Variants in KCNK2 observed in about 807,000 individuals in gnomAD.
KCNK2 encodes the protein potassium two pore domain channel subfamily K member 2.
In KCNK2, 21 loss-of-function variants were observed where a neutral mutation model predicts 40.5. The ratio of observed to expected loss-of-function variants is 0.52; its 90% CI spans 0.37 to 0.75. KCNK2 has a LOEUF of 0.75. KCNK2 is among the 30% of genes least tolerant of loss of function. The pLI is 0.00. For synonymous variants in KCNK2, 191 were observed against 202.2 expected (o/e 0.94, Z 0.47); for missense variants, 399 against 531.6 (o/e 0.75, Z 2.45).
intron 3 of KCNK2, among the ~76,000 whole-genome samples, chr1:215,167,705 T>C (rs568719966): frequency 6.6e-6 from 1 of 152,288 alleles, no homozygotes; most frequent in East Asian, 1.9e-4. Flanking sequence ...AATCTTTAAA[T>C]AACTTAAGCA....
rs183308492 is a variant in KCNK2 at position 215,208,086 on chromosome 1, A to C, written c.963+12994A>C. Among the ~76,000 whole-genome samples, 496 of 152,334 alleles carry C rather than the reference A, an allele frequency of 3.3e-3. 2 individuals are homozygous for C. Among genetic ancestry groups the C allele is most frequent in the African/African-American group, 0.011 (476 of 41,564 alleles). On this transcript the variant is annotated intron_variant, in intron 6 of 6. Transcript: ENST00000444842. ...CACATGCAAGTGAATGTTCACTGCA[A>C]CACTATTCACAATAGCAAAGACATG...
intron 6 of KCNK2, among the ~76,000 whole-genome samples, chr1:215,226,312 GTTT>G: frequency 6.6e-6 from 1 of 151,996 alleles, no homozygotes; most frequent in Admixed American, 6.5e-5. Context: ...TGTTTGTCTT[GTTT>G]TTTATTTGTT....
At chr1:215,152,966 T>C (rs1662746984) in intron 3 of KCNK2, among the ~76,000 whole-genome samples, 1 of 152,206 alleles carries the variant, frequency 6.6e-6, no homozygotes, top group Non-Finnish European at 1.5e-5. Context: ...CCTCCACATT[T>C]GAAGCTGGCT....
rs553814102 is a variant in KCNK2, at chr1:215,236,134, A to G, written c.*989A>G. On this transcript the variant is annotated 3_prime_UTR_variant, in exon 7 of 7. Transcript: ENST00000444842. ...CAGAAGAAAACTGTTAAAAATGGATATTATTGGAGGGGATTTAAAACAGTG... is the reference window on the plus strand; with the variant it reads ...CAGAAGAAAACTGTTAAAAATGGATGTTATTGGAGGGGATTTAAAACAGTG... 2 of 152,392 alleles carry G rather than the reference A, an allele frequency of 1.3e-5. No individual in the cohort carries two copies. The highest frequency in any genetic ancestry group is 3.9e-4 in the East Asian group (2 of 5,176). 9.4% of individuals were successfully genotyped at this position (152,392 alleles called of 1,614,324 possible). A position where few individuals can be genotyped will look rare whatever the true frequency, so the allele number is the denominator to read the frequency against.
chr1:215,147,665 A>C (rs6695967), intron 3 of KCNK2, among the ~76,000 whole-genome samples: 116,790 of 151,994 alleles, frequency 0.77, 45,173 homozygotes, highest in Non-Finnish European at 0.79. Context: ...GACCCTGTCT[A>C]TACTAACAAA....
chr1:215,061,647 G>T (rs61818278), intron 1 of KCNK2, among the ~76,000 whole-genome samples: 2 of 152,068 alleles, frequency 1.3e-5, no homozygotes, highest in Non-Finnish European at 2.9e-5. Context: ...AGAATTGAAA[G>T]TTAATCAATT....
At chr1:215,126,957 A>C (rs1661465177) in intron 3 of KCNK2, among the ~76,000 whole-genome samples, 1 of 152,156 alleles carries the variant, frequency 6.6e-6, no homozygotes, top group Admixed American at 6.6e-5. Context: ...GGCAAGGGAA[A>C]AAATTTGGCC....
chr1:215,164,785 C>G (rs1663368526), intron 3 of KCNK2, among the ~76,000 whole-genome samples: 1 of 152,156 alleles, frequency 6.6e-6, no homozygotes, highest in South Asian at 2.1e-4. Flanking sequence ...TCTGTACTTT[C>G]TGTGGCACAC....
At chr1:215,153,772 G>C (rs1662791029) in intron 3 of KCNK2, among the ~76,000 whole-genome samples, 1 of 151,742 alleles carries the variant, frequency 6.6e-6, no homozygotes. Flanking sequence ...AACAGGCCCT[G>C]GTGTGTGCTG....
rs570158636 is a variant in KCNK2, at chr1:215,126,475, C to G, written c.475+1725C>G. Among the ~76,000 whole-genome samples, 140 of 152,146 alleles carry G rather than the reference C, an allele frequency of 9.2e-4. 1 individual carries two copies. Among genetic ancestry groups the G allele is most frequent in the African/African-American group, 3.1e-3 (130 of 41,498 alleles). On this transcript the variant is annotated intron_variant, in intron 3 of 6. Transcript: ENST00000444842. ...AAATAACTATTTATTGTGTAAACTACTTAGAGTCTAGAAGAAAAAAAGCTT... is the reference window on the plus strand; with the variant it reads ...AAATAACTATTTATTGTGTAAACTAGTTAGAGTCTAGAAGAAAAAAAGCTT...
At chr1:215,050,891 A>G (rs565975404) in intron 1 of KCNK2, among the ~76,000 whole-genome samples, 2 of 152,282 alleles carry the variant, frequency 1.3e-5, no homozygotes, top group African/African-American at 4.8e-5. Flanking sequence ...CGGCATCATT[A>G]CACTATGGGG....
chr1:215,059,057 GTATA>G (rs368450662), intron 1 of KCNK2, among the ~76,000 whole-genome samples: 3 of 147,190 alleles, frequency 2.0e-5, no homozygotes, highest in African/African-American at 7.4e-5. Context: ...ATATACATGT[GTATA>G]TATATATACA....
intron 1 of KCNK2, among the ~76,000 whole-genome samples, chr1:215,027,417 C>T (rs1337462713): frequency 6.6e-6 from 1 of 152,052 alleles, no homozygotes; most frequent in Non-Finnish European, 1.5e-5. Context: ...ACTTTTCTGT[C>T]TTACCTAAAG....
At chr1:215,145,241 G>C (rs1355220577) in intron 3 of KCNK2, among the ~76,000 whole-genome samples, 1 of 152,034 alleles carries the variant, frequency 6.6e-6, no homozygotes, top group Non-Finnish European at 1.5e-5. Context: ...CTTACTATGT[G>C]GCATGCTTCA....
At chr1:215,204,050 A>AAG (rs1422189758) in intron 6 of KCNK2, among the ~76,000 whole-genome samples, 3 of 148,958 alleles carry the variant, frequency 2.0e-5, no homozygotes, top group Non-Finnish European at 4.5e-5. Flanking sequence ...AAAAAAAAAA[A>AAG]AAAAAAAAAA....
At chr1:215,078,137 A>T (rs930245378), upstream of KCNK2, among the ~76,000 whole-genome samples, 4 of 152,126 alleles carry the variant, frequency 2.6e-5, no homozygotes, top group African/African-American at 9.7e-5. Flanking sequence ...TCATAAAAAA[A>T]CCTCGTAATG....
intron 6 of KCNK2, among the ~76,000 whole-genome samples, chr1:215,229,933 A>G (rs1411040665): frequency 6.6e-6 from 1 of 151,636 alleles, no homozygotes; most frequent in East Asian, 1.9e-4. Context: ...TTGGCAAACC[A>G]TATCATCTTC....
At chr1:215,191,144 G>A (rs562624997) in intron 5 of KCNK2, among the ~76,000 whole-genome samples, 1 of 151,988 alleles carries the variant, frequency 6.6e-6, no homozygotes, top group South Asian at 2.1e-4. Flanking sequence ...AATTCGTCAG[G>A]CGTGGTGGCA....
chr1:215,065,346 G>C (rs902313067), intron 1 of KCNK2, among the ~76,000 whole-genome samples: 1 of 151,978 alleles, frequency 6.6e-6, no homozygotes, highest in Non-Finnish European at 1.5e-5. Flanking sequence ...AAATTTATAT[G>C]CTCTTTAAAT....
Sources: allele counts gnomAD v4.1 joint callset (sites outside exome capture counted in the v4.1 genomes callset), GRCh38; gene constraint gnomAD v4.1.1; transcripts MANE v1.5; gene names NCBI Gene and HGNC (gene_info 2026-07-23, HGNC 2026-07-21).